Variants in ERG observed in about 807,000 individuals in gnomAD.
ERG encodes the protein ETS transcription factor ERG.
ERG carries 9 observed loss-of-function variants against 55.3 expected under a neutral mutation model. That is an observed-to-expected ratio of 0.16 (90% CI 0.10 to 0.28). The LOEUF (loss-of-function observed/expected upper bound fraction) is 0.28. ERG is among the 10% of genes least tolerant of loss of function. ERG has a pLI of 1.00. For missense variants in ERG, 434 were observed against 631.6 expected (o/e 0.69, Z 3.35); for synonymous variants, 223 against 237.3 (o/e 0.94, Z 0.55).
At chr21:38,368,342 A>T in the ERG span, among the ~76,000 whole-genome samples, 749 of 152,222 alleles carry the variant, frequency 4.9e-3, 5 homozygotes, top group Middle Eastern at 0.01. Context: ...ACCATATCAT[A>T]TATGTTGTCC....
chr21:38,461,749 TAG>T (rs1187744173), intron 1 of ERG, among the ~76,000 whole-genome samples: 10 of 152,234 alleles, frequency 6.6e-5, no homozygotes, highest in Admixed American at 6.5e-4. Context: ...TCTTGGAAAA[TAG>T]AGTTACTTTT....
intron 2 of ERG, among the ~76,000 whole-genome samples, chr21:38,439,296 T>C (rs968817144): frequency 1.3e-5 from 2 of 152,234 alleles, no homozygotes; most frequent in African/African-American, 4.8e-5. Context: ...GAAGACAGTT[T>C]GCTTGTGGAC....
rs185057535 is a variant in ERG at position 38,593,822 on chromosome 21, C to T, written c.-149-8877G>A. Among the ~76,000 whole-genome samples the T allele has an allele frequency of 1.6e-3, 244 of 152,250 alleles. 1 individual carries two copies. The highest frequency in any genetic ancestry group is 4.5e-3 in the African/African-American group (188 of 41,550). On this transcript the variant is annotated intron_variant, in intron 1 of 10. Coordinates refer to the ERG transcript ENST00000398910. ...AGATTACATATAAGAGACTTTATTACAAGTTATCATTTTTTAGATAAAATT... is the reference window on the plus strand; with the variant it reads ...AGATTACATATAAGAGACTTTATTATAAGTTATCATTTTTTAGATAAAATT...
intron 3 of ERG, among the ~76,000 whole-genome samples, chr21:38,408,179 T>C (rs1426532734): frequency 6.6e-6 from 1 of 152,080 alleles, no homozygotes; most frequent in Non-Finnish European, 1.5e-5. Flanking sequence ...GCATTCCTTT[T>C]CTCCTGAGCA....
chr21:38,579,525 G>C (rs1441470756), intron 1 of ERG, among the ~76,000 whole-genome samples: 1 of 152,182 alleles, frequency 6.6e-6, no homozygotes, highest in Non-Finnish European at 1.5e-5. Context: ...AGACAAGAGG[G>C]TGCCACCAAG....
chr21:38,558,240 A>ATGG (rs1291204590), intron 2 of ERG, among the ~76,000 whole-genome samples: 2 of 152,196 alleles, frequency 1.3e-5, no homozygotes, highest in Admixed American at 1.3e-4. Flanking sequence ...GACATGTACC[A>ATGG]TGGAGAAAGG....
intron 1 of ERG, among the ~76,000 whole-genome samples, chr21:38,661,449 C>G (rs1057011606): frequency 6.6e-6 from 1 of 152,164 alleles, no homozygotes; most frequent in Non-Finnish European, 1.5e-5. Context: ...GATACAGCCG[C>G]CGGGACGCGG....
chr21:38,466,300 G>GGTGAGTGTGTGTGTGTGT (rs1555903687), intron 1 of ERG, among the ~76,000 whole-genome samples: 1 of 140,604 alleles, frequency 7.1e-6, no homozygotes, highest in African/African-American at 2.7e-5. Context: ...GATGGTCTGG[G>GGTGAGTGTGTGTGTGTGT]GTGTGTGTGT....
At chr21:38,474,757 T>C (rs2059172185) in intron 1 of ERG, among the ~76,000 whole-genome samples, 1 of 152,134 alleles carries the variant, frequency 6.6e-6, no homozygotes, top group Non-Finnish European at 1.5e-5. Context: ...CTGTTCGTTA[T>C]TTTTTGGAGA....
chr21:38,616,740 A>G (rs137995997), intron 1 of ERG, among the ~76,000 whole-genome samples: 3 of 152,066 alleles, frequency 2.0e-5, no homozygotes, highest in Non-Finnish European at 4.4e-5. Flanking sequence ...CCCCCACCTC[A>G]TTTTTATCCT....
At chr21:38,648,718 C>A (rs946982265) in intron 1 of ERG, among the ~76,000 whole-genome samples, 5 of 152,216 alleles carry the variant, frequency 3.3e-5, no homozygotes, top group African/African-American at 1.2e-4. Flanking sequence ...TCCGATTCCC[C>A]CTCATTCCCA....
chr21:38,654,454 A>C (rs1333698590), intron 1 of ERG, among the ~76,000 whole-genome samples: 1 of 152,262 alleles, frequency 6.6e-6, no homozygotes, highest in African/African-American at 2.4e-5. Flanking sequence ...CCTGGGCAAC[A>C]GAGCAAGGCT....
At chr21:38,485,234 A>C (rs116036729) in intron 1 of ERG, among the ~76,000 whole-genome samples, 1,947 of 132,494 alleles carry the variant, frequency 0.015, 45 homozygotes, top group African/African-American at 0.06. Context: ...TTAGTTTTTA[A>C]TAAAAAGTTT....
At chr21:38,400,919 C>T (rs76531454) in intron 5 of ERG, among the ~76,000 whole-genome samples, 6,105 of 152,250 alleles carry the variant, frequency 0.04, 143 homozygotes, top group East Asian at 0.066. Flanking sequence ...TATCTGTGTC[C>T]CCCTCAATCC....
chr21:38,609,321 C>T (rs527242851), intron 1 of ERG, among the ~76,000 whole-genome samples: 7 of 152,192 alleles, frequency 4.6e-5, no homozygotes, highest in South Asian at 2.1e-4. Flanking sequence ...ACTATTTTCA[C>T]GCCCATGTGG....
At chr21:38,503,261 C>T (rs1020741619), upstream of ERG, among the ~76,000 whole-genome samples, 5 of 152,026 alleles carry the variant, frequency 3.3e-5, no homozygotes, top group Admixed American at 2.6e-4. Flanking sequence ...CTGAAAAATA[C>T]AGGCATGTTC....
chr21:38,468,020 A>T (rs1176250288), intron 1 of ERG, among the ~76,000 whole-genome samples: 2 of 152,150 alleles, frequency 1.3e-5, no homozygotes, highest in African/African-American at 4.8e-5. Flanking sequence ...AAAACATTTC[A>T]CTGGTCATCA....
chr21:38,503,465 C>A (rs532269209), upstream of ERG, among the ~76,000 whole-genome samples: 10 of 151,746 alleles, frequency 6.6e-5, no homozygotes, highest in South Asian at 4.2e-4. Flanking sequence ...ATATTAATGG[C>A]CTTTTCCTGC....
At chr21:38,582,400 A>C (rs1323684749) in intron 1 of ERG, among the ~76,000 whole-genome samples, 1 of 152,234 alleles carries the variant, frequency 6.6e-6, no homozygotes, top group Admixed American at 6.5e-5. Context: ...AGTTGGTATC[A>C]GTGTTGAATG....
Sources: allele counts gnomAD v4.1 joint callset (sites outside exome capture counted in the v4.1 genomes callset), GRCh38; gene constraint gnomAD v4.1.1; transcripts MANE v1.5; gene names NCBI Gene and HGNC (gene_info 2026-07-23, HGNC 2026-07-21).